Variants in USP7 observed in about 807,000 individuals in gnomAD.
USP7 encodes the protein ubiquitin C-terminal hydrolase 7.
Under a neutral mutation model 162.9 loss-of-function variants are expected in USP7, and 9 were observed. That is an observed-to-expected ratio of 0.06 (90% CI 0.03 to 0.10). The LOEUF (loss-of-function observed/expected upper bound fraction) is 0.10. USP7 is among the 10% of genes least tolerant of loss of function. USP7 has a pLI of 1.00. For missense variants in USP7, 715 were observed against 1,373.7 expected (o/e 0.52, Z 7.58); for synonymous variants, 562 against 475.9 (o/e 1.18, Z -2.35).
At position 8,905,209 on chromosome 16, in the gene USP7, G is replaced by C. The variant is rs770071063; in HGVS notation, c.1551C>G (p.Val517=). Residue 517 remains valine (V), a synonymous_variant, in exon 14 of 31, where the codon GTC becomes GTG. Coordinates refer to ENST00000344836, the MANE Select transcript of USP7 (RefSeq NM_003470.3). The part of the protein sequence containing the change: ...VRHCTNAYML[V]YIRESKLSEV... ...CACTCAGTTTTGATTCCCTGATGTA[G>C]ACTAACATGTAAGCATTAGTGCAGT... 6 of 1,614,204 alleles carry C rather than the reference G, an allele frequency of 3.7e-6. No homozygotes were observed. The highest frequency in any genetic ancestry group is 1.3e-5 in the African/African-American group (1 of 75,048).
intron 1 of USP7, among the ~76,000 whole-genome samples, chr16:8,955,288 A>T (rs1008444703): frequency 3.9e-5 from 6 of 152,226 alleles, no homozygotes; most frequent in African/African-American, 1.4e-4. Flanking sequence ...GTCTCACCCC[A>T]GGCTAGAGTG....
In USP7 at chr16:8,902,528, T is replaced by G. The variant is rs951103026; in HGVS notation, c.1840-46A>C. 5.2e-6 allele frequency: 8 copies of G among 1,526,672 alleles called. No individual in the cohort carries two copies. The East Asian group carries it at 1.8e-4, about 35-fold the overall frequency. 94.6% of individuals were successfully genotyped at this position (1,526,672 alleles called of 1,614,324 possible). A position where few individuals can be genotyped will look rare whatever the true frequency, so the allele number is the denominator to read the frequency against. On this transcript the variant is annotated intron_variant, in intron 16 of 30. Coordinates refer to ENST00000344836, the MANE Select transcript of USP7 (RefSeq NM_003470.3). The stretch of plus-strand genomic sequence containing the variant: ...AGATTAAAATAAAAACACGCTCATA[T>G]TTTAGTCCTCTATATTACACACACA...
At chr16:8,894,256 A>G in intron 30 of USP7, 152 bp from the exon 31 acceptor site, 1 of 741,006 alleles carries the variant, frequency 1.3e-6, no homozygotes, top group Admixed American at 2.3e-5. Context: ...ACCTGGAGCT[A>G]AGGAGGCCCA....
At chr16:8,961,345 A>G (rs1197010671) in intron 1 of USP7, among the ~76,000 whole-genome samples, 1 of 152,042 alleles carries the variant, frequency 6.6e-6, no homozygotes, top group Non-Finnish European at 1.5e-5. Context: ...ATACAAAAGT[A>G]GCCAGGCGTG....
In USP7 at chr16:8,923,408, T is replaced by A. The variant is rs777361076; in HGVS notation, c.190A>T (p.Ser64Cys). ...TAEEDMEDDTSWRSEATFQFT... is the reference protein window; with the variant it reads ...TAEEDMEDDTCWRSEATFQFT... ...TGAAAGGTTGCCTCGGAGCGCCAAC[T>A]GGTGTCTGCAAAAAAAACACATCAT... The change falls in exon 3 of 31, where the codon AGT (serine) becomes TGT (cysteine). Residue 64 changes from serine to cysteine, a missense_variant. Physicochemically the swap from Ser to Cys is moderately radical, Grantham distance 112 (BLOSUM62 -1). Coordinates refer to ENST00000344836, the MANE Select transcript of USP7 (RefSeq NM_003470.3). 6.2e-7 allele frequency: 1 copy of A among 1,614,044 alleles called. No individual in the cohort carries two copies. Among genetic ancestry groups the A allele is most frequent in the Non-Finnish European group, 8.5e-7 (1 of 1,179,928 alleles).
intron 1 of USP7, among the ~76,000 whole-genome samples, chr16:8,961,516 GC>G (rs1206075737): frequency 3.1e-5 from 3 of 98,100 alleles, no homozygotes; most frequent in Non-Finnish European, 6.4e-5. Flanking sequence ...GGGGGGGGGG[GC>G]AAATACCTTG....
At chr16:8,897,735 A>T (rs951375700) in intron 25 of USP7, among the ~76,000 whole-genome samples, 7 of 121,250 alleles carry the variant, frequency 5.8e-5, no homozygotes, top group African/African-American at 2.2e-4. Flanking sequence ...AAATATATAT[A>T]TATATATATA....
At chr16:8,929,683 T>G (rs75959309) in intron 2 of USP7, 1 of 411,936 alleles carries the variant, frequency 2.4e-6, no homozygotes, top group African/African-American at 2.1e-5. Context: ...TGTGCAAATA[T>G]TGAGGTCACT....
At chr16:8,929,734 A>C (rs1479907337) in intron 2 of USP7, among the ~76,000 whole-genome samples, 3 of 152,164 alleles carry the variant, frequency 2.0e-5, no homozygotes, top group Non-Finnish European at 4.4e-5. Context: ...CGGAAGAAAA[A>C]AACTGATTTC....
At chr16:8,961,224 G>A (rs541839173) in intron 1 of USP7, among the ~76,000 whole-genome samples, 1 of 152,194 alleles carries the variant, frequency 6.6e-6, no homozygotes, top group South Asian at 2.1e-4. Context: ...CAGGCGCGAT[G>A]GCTCACACCT....
chr16:8,895,773 A>C, intron 26 of USP7, 32 bp from the exon 27 acceptor site: 1 of 1,411,620 alleles, frequency 7.1e-7, no homozygotes, highest in Non-Finnish European at 9.9e-7. Flanking sequence ...ATAGGGCAAA[A>C]TGAAGTATAT....
chr16:8,914,388 C>T (rs373760995), intron 10 of USP7, among the ~76,000 whole-genome samples: 8 of 151,182 alleles, frequency 5.3e-5, no homozygotes, highest in South Asian at 4.2e-4. Context: ...GCTGGACATA[C>T]GCACACCCTA....
chr16:8,903,522 C>T (rs2061810892), intron 15 of USP7, 120 bp from the exon 16 acceptor site: 2 of 1,253,140 alleles, frequency 1.6e-6, no homozygotes, highest in South Asian at 1.7e-5. Flanking sequence ...GAAACTTCTT[C>T]AGAAGACCAA....
At chr16:8,926,524 G>C (rs1368217440) in intron 2 of USP7, among the ~76,000 whole-genome samples, 2 of 152,070 alleles carry the variant, frequency 1.3e-5, no homozygotes, top group African/African-American at 4.8e-5. Context: ...AAGGAGAAGT[G>C]GACTTGGAAA....
chr16:8,930,900 C>T (rs7192659), intron 1 of USP7, among the ~76,000 whole-genome samples: 43,981 of 150,926 alleles, frequency 0.29, 7,765 homozygotes, highest in African/African-American at 0.5. Flanking sequence ...ACTCAGGAGG[C>T]GGAGGCTGCA....
rs770891854 is a variant in USP7, at chr16:8,915,490, G to A, written c.942C>T (p.Thr314=). 6.2e-7 allele frequency: 1 copy of A among 1,613,214 alleles called. No homozygotes were observed. The highest frequency in any genetic ancestry group is 1.3e-5 in the African/African-American group (1 of 74,876). The change falls in exon 9 of 31, where the codon ACC becomes ACT. Residue 314 remains threonine (T), a synonymous_variant. Transcript: ENST00000344836. ...ATTTGGGTATGGTGCCCTCTACACA[G>A]GTGCCTTTCATCTTATTTTCCACAT... ...LDNVENKMKG[T]CVEGTIPKLF...
At chr16:8,939,438 A>C (rs894425705) in intron 1 of USP7, among the ~76,000 whole-genome samples, 15 of 152,356 alleles carry the variant, frequency 9.8e-5, no homozygotes, top group African/African-American at 3.6e-4. Flanking sequence ...ACTTGCTGAC[A>C]TCTGGGTCCT....
intron 25 of USP7, among the ~76,000 whole-genome samples, chr16:8,897,722 A>ATACATATATATATATATAT (rs71155415): frequency 1.1e-3 from 24 of 21,610 alleles, no homozygotes; most frequent in Non-Finnish European, 1.7e-3. Context: ...AAAAAAAAAA[A>ATACATATATATATATATAT]AAAAATATAT....
rs1420440978 is a variant in USP7 at position 8,901,943 on chromosome 16, A to T, written c.2047+139T>A. On this transcript the variant is annotated intron_variant, in intron 18 of 30. Transcript: ENST00000344836. ...GTCAGTCTTATTTGACTTCATCAGGAAGTCTAGTGAGCTTTTGTGGAATTG... is the reference window on the plus strand; with the variant it reads ...GTCAGTCTTATTTGACTTCATCAGGTAGTCTAGTGAGCTTTTGTGGAATTG... The T allele has an allele frequency of 6.9e-6, 5 of 724,750 alleles. No individual in the cohort carries two copies. In the African/African-American group the frequency reaches 7.1e-5, roughly 10 times the overall value. The allele number at this position is 724,750 out of a possible 1,614,324, so 44.9% of individuals were successfully genotyped here. A position where few individuals can be genotyped will look rare whatever the true frequency, so the allele number is the denominator to read the frequency against.
Sources: gnomAD v4.1 joint callset for allele counts (sites outside exome capture counted in the v4.1 genomes callset) on GRCh38, gnomAD v4.1.1 for gene constraint, MANE v1.5 for transcripts, NCBI Gene and HGNC (gene_info 2026-07-23, HGNC 2026-07-21) for gene names.